The following SUMF1 variants were observed in gnomAD, a reference collection of about 807,000 sequenced individuals.
SUMF1 encodes sulfatase modifying factor 1.
SUMF1 carries 48 observed loss-of-function variants against 47.6 expected under a neutral mutation model. The ratio of observed to expected loss-of-function variants is 1.01; its 90% CI spans 0.80 to 1.28. SUMF1 has a LOEUF of 1.28. SUMF1 is among the 50% of genes most tolerant of loss of function. The pLI is 0.00. For synonymous variants in SUMF1, 230 were observed against 192.1 expected, an observed-to-expected ratio of 1.20 and a Z score of -1.63; for missense variants, 571 against 485.4, an observed-to-expected ratio of 1.18 and a Z score of -1.66.
intron 8 of SUMF1, among the ~76,000 whole-genome samples, chr3:4,242,865 G>C (rs1419561427): frequency 6.6e-6 from 1 of 152,172 alleles, no homozygotes; most frequent in Non-Finnish European, 1.5e-5. Flanking sequence ...GCTCCTCTTT[G>C]TACCTCTGGT....
chr3:4,162,676 G>A (rs541314525), intron 8 of SUMF1, among the ~76,000 whole-genome samples: 2 of 152,136 alleles, frequency 1.3e-5, no homozygotes, highest in Non-Finnish European at 1.5e-5. Context: ...TGCGGCTGTT[G>A]CCAGAAGGAT....
chr3:4,303,986 A>C (rs1698070130), intron 8 of SUMF1: 2 of 589,628 alleles, frequency 3.4e-6, no homozygotes, highest in Non-Finnish European at 5.0e-6. Context: ...GGCGAGTGTA[A>C]ATTAGCTGTG....
chr3:4,446,449 C>T lies in SUMF1; in HGVS notation c.519+2817G>A, dbSNP rs1027663621. ...ATGTGGAACTGTGAGTCCATTAAACCTCTTTTTCTTTATAAATTACCCAAT... is the reference window on the plus strand; with the variant it reads ...ATGTGGAACTGTGAGTCCATTAAACTTCTTTTTCTTTATAAATTACCCAAT... On this transcript the variant is annotated intron_variant, in intron 3 of 8. Transcript: ENST00000272902. 5.3e-5 allele frequency among the ~76,000 whole-genome samples: 8 copies of T among 152,320 alleles called. No homozygotes were observed. The South Asian group carries it at 1.4e-3, about 28-fold the overall frequency.
At chr3:4,358,612 G>GA (rs919423333), downstream of SUMF1, among the ~76,000 whole-genome samples, 7 of 151,506 alleles carry the variant, frequency 4.6e-5, no homozygotes, top group African/African-American at 9.7e-5. Flanking sequence ...AGACCTTCAG[G>GA]AAAAAAAAAT....
intron 8 of SUMF1, chr3:4,229,422 T>G: frequency 3.0e-6 from 1 of 330,814 alleles, no homozygotes; most frequent in South Asian, 2.5e-5. Flanking sequence ...TCATTTCTCC[T>G]AAGACTTTCA....
intron 8 of SUMF1, among the ~76,000 whole-genome samples, chr3:4,306,051 G>A (rs1698174663): frequency 6.6e-6 from 1 of 152,022 alleles, no homozygotes; most frequent in African/African-American, 2.4e-5. Flanking sequence ...AAGGTGGTGG[G>A]TTGGGCTGCA....
intron 8 of SUMF1, among the ~76,000 whole-genome samples, chr3:4,324,609 A>T (rs1243156403): frequency 1.3e-5 from 2 of 152,158 alleles, no homozygotes; most frequent in Non-Finnish European, 2.9e-5. Flanking sequence ...AGGAGAGGAA[A>T]AAGTCGATTA....
intron 9 of SUMF1, among the ~76,000 whole-genome samples, chr3:4,060,759 C>T (rs905631836): frequency 2.0e-5 from 3 of 152,104 alleles, no homozygotes; most frequent in African/African-American, 7.2e-5. Context: ...AGGGACTACG[C>T]ATATGTAGTA....
At chr3:4,130,215 C>T (rs903480317) in intron 8 of SUMF1, among the ~76,000 whole-genome samples, 1 of 152,148 alleles carries the variant, frequency 6.6e-6, no homozygotes, top group African/African-American at 2.4e-5. Context: ...ACTGGCGACT[C>T]TGATTGCAGC....
intron 8 of SUMF1, among the ~76,000 whole-genome samples, chr3:4,350,672 G>C (rs1037668704): frequency 2.6e-5 from 4 of 152,070 alleles, no homozygotes; most frequent in Non-Finnish European, 5.9e-5. Flanking sequence ...CTTAATTAAA[G>C]CAGTAGAAGT....
chr3:4,072,704 T>A (rs563963412), intron 8 of SUMF1, among the ~76,000 whole-genome samples: 19 of 151,976 alleles, frequency 1.3e-4, no homozygotes, highest in Non-Finnish European at 2.2e-4. Flanking sequence ...CTTCAATAGC[T>A]GATTCGATCA....
At chr3:4,392,713 A>T (rs1252872793) in intron 7 of SUMF1, among the ~76,000 whole-genome samples, 1 of 151,240 alleles carries the variant, frequency 6.6e-6, no homozygotes, top group Non-Finnish European at 1.5e-5. Context: ...ACTCTTGATT[A>T]CCCTATTTTC....
chr3:4,271,602 A>T (rs1305167117), intron 8 of SUMF1, among the ~76,000 whole-genome samples: 2 of 152,100 alleles, frequency 1.3e-5, no homozygotes, highest in Non-Finnish European at 2.9e-5. Flanking sequence ...CCCAGGCTCA[A>T]GTGATTCTCC....
At chr3:4,111,716 C>T (rs189337525) in intron 8 of SUMF1, among the ~76,000 whole-genome samples, 23 of 151,844 alleles carry the variant, frequency 1.5e-4, no homozygotes, top group African/African-American at 2.4e-4. Flanking sequence ...TGCAGCCTGG[C>T]GACAGAGCTA....
intron 8 of SUMF1, among the ~76,000 whole-genome samples, chr3:4,201,206 T>C (rs1485433748): frequency 6.6e-6 from 1 of 152,058 alleles, no homozygotes; most frequent in Non-Finnish European, 1.5e-5. Flanking sequence ...AGTCACCCTA[T>C]TGTGCTATCA....
intron 3 of SUMF1, among the ~76,000 whole-genome samples, chr3:4,436,428 CATAGAT>C (rs1355093433): frequency 6.6e-6 from 1 of 151,784 alleles, no homozygotes; most frequent in African/African-American, 2.4e-5. Flanking sequence ...TACATATAGA[CATAGAT>C]ATAGATATAA....
At chr3:4,420,830 C>T (rs1701875262) in intron 3 of SUMF1, among the ~76,000 whole-genome samples, 1 of 152,154 alleles carries the variant, frequency 6.6e-6, no homozygotes, top group African/African-American at 2.4e-5. Flanking sequence ...GGCTAAAGGT[C>T]AACCATGGTG....
chr3:4,129,887 G>A (rs1693745126), intron 8 of SUMF1, among the ~76,000 whole-genome samples: 2 of 152,070 alleles, frequency 1.3e-5, no homozygotes, highest in Non-Finnish European at 2.9e-5. Context: ...TTTCCCCAGT[G>A]TCAGAATGCA....
At chr3:4,145,191 T>TAAA (rs35699553) in intron 8 of SUMF1, among the ~76,000 whole-genome samples, 1,714 of 90,328 alleles carry the variant, frequency 0.019, 56 homozygotes, top group African/African-American at 0.065. Context: ...AAACTCCGTC[T>TAAA]AAAAAAAAAA....
Sources: allele counts gnomAD v4.1 joint callset (sites outside exome capture counted in the v4.1 genomes callset), GRCh38; gene constraint gnomAD v4.1.1; transcripts MANE v1.5; gene names NCBI Gene and HGNC (gene_info 2026-07-23, HGNC 2026-07-21).